VNN2: variants seen among roughly 807,000 people sequenced by gnomAD.
VNN2 encodes vanin 2, also known as pantetheine hydrolase VNN2.
Under a neutral mutation model 43.0 loss-of-function variants are expected in VNN2, and 43 were observed. That is an observed-to-expected ratio of 1.00 (90% CI 0.78 to 1.29). The LOEUF is 1.29. VNN2 is among the 50% of genes most tolerant of loss of function. VNN2 has a pLI of 0.00. For synonymous variants in VNN2, 230 were observed against 224.3 expected, an observed-to-expected ratio of 1.03 and a Z score of -0.23; for missense variants, 652 against 619.7, an observed-to-expected ratio of 1.05 and a Z score of -0.55.
Position 132,751,247 on chromosome 6 carries a change from G to A in VNN2, c.1098C>T (p.Cys366=), listed in dbSNP as rs977332042. Residue 366 remains cysteine, a synonymous_variant, in exon 5 of 7, where the codon TGC becomes TGT. Transcript: ENST00000326499. ...GTAACATTCTGTAGCTTAAATGACA[G>A]CAAAGCTCCTTTTGACAGACTGTAA... ...GNLTVCQKEL[C]CHLSYRMLQK... is the part of the protein sequence containing the mutation. 5 of 1,614,040 alleles carry A rather than the reference G, an allele frequency of 3.1e-6. No individual in the cohort carries two copies. Among genetic ancestry groups the A allele is most frequent in the Non-Finnish European group, 4.2e-6 (5 of 1,180,046 alleles).
Position 132,752,686 on chromosome 6 carries a change from T to A in VNN2, c.601A>T (p.Thr201Ser), listed in dbSNP as rs372532876. The A allele has an allele frequency of 6.2e-7, 1 of 1,613,986 alleles. No homozygotes were observed. The highest frequency in any genetic ancestry group is 8.5e-7 in the Non-Finnish European group (1 of 1,180,022). ...PEKPELVTFNTAFGRFGIFTC... is the reference protein window; with the variant it reads ...PEKPELVTFNSAFGRFGIFTC... ...AAAATGCCAAACCTTCCAAATGCGG[T>A]GTTGAAAGTCACCAACTCCGGCTTT... Residue 201 changes from threonine (T) to serine (S), a missense_variant, in exon 4 of 7, where the codon ACC becomes TCC. Transcript: ENST00000326499.
chr6:132,759,067 G>T (rs564781887), upstream of VNN2, among the ~76,000 whole-genome samples: 15 of 152,158 alleles, frequency 9.9e-5, no homozygotes, highest in Non-Finnish European at 1.8e-4. Context: ...TGGTGATAAA[G>T]ATCATCTGTG....
chr6:132,759,628 C>T (rs574535472), upstream of VNN2, among the ~76,000 whole-genome samples: 8 of 151,844 alleles, frequency 5.3e-5, no homozygotes, highest in Non-Finnish European at 1.2e-4. Context: ...AGAGTAGGTA[C>T]GATTAAACAA....
intron 6 of VNN2, among the ~76,000 whole-genome samples, chr6:132,747,401 G>T (rs995708257): frequency 6.6e-6 from 1 of 152,116 alleles, no homozygotes; most frequent in Non-Finnish European, 1.5e-5. Flanking sequence ...CAGATCACTA[G>T]ATGTTAGGAG....
intron 5 of VNN2, 148 bp downstream of exon 5, chr6:132,750,997 T>TGG (rs759929149): frequency 1.8e-6 from 1 of 567,664 alleles, no homozygotes; most frequent in African/African-American, 1.8e-5. Flanking sequence ...TAAATGCACG[T>TGG]GTGTGTGTGT....
At chr6:132,748,956 A>G (rs991628031) in intron 6 of VNN2, among the ~76,000 whole-genome samples, 4 of 152,138 alleles carry the variant, frequency 2.6e-5, no homozygotes, top group Non-Finnish European at 4.4e-5. Context: ...TAAACATCTG[A>G]TTTTCTGTTT....
chr6:132,750,661 C>CAAAAAAAAAAA (rs746788690), intron 5 of VNN2, among the ~76,000 whole-genome samples: 1 of 76,494 alleles, frequency 1.3e-5, no homozygotes, highest in Non-Finnish European at 2.7e-5. Context: ...GAAATTGTCT[C>CAAAAAAAAAAA]AAAAAAAAAA....
At chr6:132,750,515 T>TATATATATATATATATATA (rs1359427541) in intron 5 of VNN2, among the ~76,000 whole-genome samples, 1 of 97,364 alleles carries the variant, frequency 1.0e-5, no homozygotes, top group African/African-American at 4.2e-5. Context: ...ATATATATAT[T>TATATATATATATATATATA]TTTCCAGGTG....
At chr6:132,758,039 C>CTTTTT (rs533088096), upstream of VNN2, 13 of 165,040 alleles carry the variant, frequency 7.9e-5, no homozygotes, top group South Asian at 1.4e-4. Flanking sequence ...TCTTCTTCTT[C>CTTTTT]TTTTTTTTTT....
intron 6 of VNN2, among the ~76,000 whole-genome samples, chr6:132,746,698 G>T (rs1779738578): frequency 6.6e-6 from 1 of 152,104 alleles, no homozygotes; most frequent in Non-Finnish European, 1.5e-5. Context: ...TTTTAATTCT[G>T]CACTCACAAA....
upstream of VNN2, chr6:132,758,033 C>A (rs1173622931): frequency 2.2e-4 from 15 of 69,468 alleles, 3 homozygotes; most frequent in Admixed American, 8.6e-4. Flanking sequence ...TCTTCTTCTT[C>A]TTCTTCTTTT....
Position 132,751,316 on chromosome 6 carries a change from C to G in VNN2, c.1029G>C (p.Arg343Ser). The change falls in exon 5 of 7, where the codon AGG (arginine) becomes AGC (serine). Residue 343 changes from arginine to serine, a missense_variant. Transcript: ENST00000326499. Reference sequence around the variant, plus strand: ...AAAGTTCTGTGAAGTTGAACCCATCCCTGGAAATAAATCCCCTGAAAGTGT... The same window carrying G: ...AAAGTTCTGTGAAGTTGAACCCATCGCTGGAAATAAATCCCCTGAAAGTGT... The part of the protein sequence containing the change: ...QKNTFRGFIS[R>S]DGFNFTELFE... 6.2e-7 allele frequency: 1 copy of G among 1,614,104 alleles called. No individual in the cohort carries two copies. Among genetic ancestry groups the G allele is most frequent in the South Asian group, 1.1e-5 (1 of 91,084 alleles).
In VNN2 at chr6:132,745,085, A is replaced by G. The variant is rs190350144; in HGVS notation, c.1372-594T>C. Among the ~76,000 whole-genome samples the G allele has an allele frequency of 2.3e-3, 352 of 152,336 alleles. 1 individual carries two copies. The highest frequency in any genetic ancestry group is 7.6e-3 in the African/African-American group (318 of 41,570). On this transcript the variant is annotated intron_variant, in intron 6 of 6. Transcript: ENST00000326499. The stretch of plus-strand genomic sequence containing the variant: ...AGACAGAAGTGTGTGTGACAGATCA[A>G]GGCAATGTGAGTTCTCATTCTAGAT...
intron 3 of VNN2, among the ~76,000 whole-genome samples, chr6:132,755,277 T>C (rs1780384114): frequency 7.1e-6 from 1 of 141,744 alleles, no homozygotes; most frequent in Non-Finnish European, 1.5e-5. Flanking sequence ...ATCTCAATCC[T>C]GGACCATCAT....
chr6:132,761,852 T>G (rs559469513), upstream of VNN2, among the ~76,000 whole-genome samples: 2 of 152,258 alleles, frequency 1.3e-5, no homozygotes, highest in African/African-American at 4.8e-5. Flanking sequence ...GCACCACTTC[T>G]TTGGACCTCT....
chr6:132,753,316 C>T (rs1021570464), intron 3 of VNN2: 5 of 316,908 alleles, frequency 1.6e-5, no homozygotes, highest in Admixed American at 3.9e-5. Context: ...TGAACCACAG[C>T]ACCTGGCCCT....
upstream of VNN2, among the ~76,000 whole-genome samples, chr6:132,758,837 C>T (rs763707914): frequency 3.3e-5 from 5 of 152,150 alleles, no homozygotes; most frequent in Non-Finnish European, 7.3e-5. Flanking sequence ...GTGCCTACAG[C>T]AACAATACCC....
intron 2 of VNN2, among the ~76,000 whole-genome samples, 157 bp from the exon 3 acceptor site, chr6:132,756,192 C>T (rs1013940862): frequency 2.6e-5 from 4 of 152,196 alleles, no homozygotes; most frequent in African/African-American, 9.7e-5. Flanking sequence ...GATGATTATA[C>T]ACTTGATGAA....
intron 3 of VNN2, chr6:132,752,978 C>T (rs914446554): frequency 1.0e-4 from 49 of 469,420 alleles, no homozygotes; most frequent in African/African-American, 7.6e-4. Context: ...TCTCTCTTTC[C>T]CTCTCTCTCA....
Sources: allele counts gnomAD v4.1 joint callset (sites outside exome capture counted in the v4.1 genomes callset), GRCh38; gene constraint gnomAD v4.1.1; transcripts MANE v1.5; gene names NCBI Gene and HGNC (gene_info 2026-07-23, HGNC 2026-07-21).